Variants in BTBD16 observed in about 807,000 individuals in gnomAD.
BTBD16 encodes BTB domain containing 16.
Under a neutral mutation model 67.4 loss-of-function variants are expected in BTBD16, and 66 were observed. That is an observed-to-expected ratio of 0.98 (90% CI 0.80 to 1.20). The LOEUF is 1.20. BTBD16 is among the 50% of genes most tolerant of loss of function. The probability of loss-of-function intolerance (pLI) is 0.00; values close to 1 mark genes in which losing one functional copy is unlikely to be tolerated. For missense variants in BTBD16, 634 were observed against 616.0 expected (o/e 1.03, Z -0.31); for synonymous variants, 242 against 236.4 (o/e 1.02, Z -0.22).
At chr10:122,335,031 A>T (rs756670115) in intron 14 of BTBD16, 52 bp downstream of exon 14, 1 of 858,252 alleles carries the variant, frequency 1.2e-6, no homozygotes, top group South Asian at 1.6e-5. Flanking sequence ...TTTTAGAGTT[A>T]GAGTCAATTC....
At chr10:122,323,894 G>A (rs2096439765) in intron 10 of BTBD16, among the ~76,000 whole-genome samples, 1 of 152,124 alleles carries the variant, frequency 6.6e-6, no homozygotes, top group African/African-American at 2.4e-5. Context: ...TAGCTCTTAG[G>A]ATCAAGGGCA....
At chr10:122,292,268 G>A (rs1265493882) in intron 7 of BTBD16, among the ~76,000 whole-genome samples, 3 of 152,262 alleles carry the variant, frequency 2.0e-5, no homozygotes, top group Non-Finnish European at 2.9e-5. Flanking sequence ...ATTAGGGGAT[G>A]TCAGCACATA....
chr10:122,310,522 G>A (rs1270064271), intron 10 of BTBD16, among the ~76,000 whole-genome samples: 2 of 152,128 alleles, frequency 1.3e-5, no homozygotes, highest in Non-Finnish European at 2.9e-5. Context: ...CGTCACCAGG[G>A]GAGTTGAGCT....
chr10:122,316,542 G>C (rs935840621), intron 10 of BTBD16, among the ~76,000 whole-genome samples: 1 of 152,294 alleles, frequency 6.6e-6, no homozygotes, highest in East Asian at 1.9e-4. Flanking sequence ...ATATGGTACA[G>C]TGTATCCCTC....
intron 12 of BTBD16, among the ~76,000 whole-genome samples, chr10:122,331,767 G>A (rs2096455514): frequency 6.6e-6 from 1 of 152,214 alleles, no homozygotes; most frequent in Non-Finnish European, 1.5e-5. Flanking sequence ...GAGATGAAGA[G>A]GGGCAGTGTG....
In BTBD16 at chr10:122,334,919, A is replaced by G; in HGVS notation, c.1203A>G (p.Gly401=). Residue 401 remains glycine, a synonymous_variant, in exon 14 of 16, where the codon GGA becomes GGG. Transcript: ENST00000260723. ...TTYSKTIALY[G]FFFKIKGLKH... is the part of the protein sequence containing the mutation. ...ATTCGAAAACGATTGCTCTATATGG[A>G]TTCTTCTTTAAGATAAAGGGACTCA... 4 of 1,576,908 alleles carry G rather than the reference A, an allele frequency of 2.5e-6. No individual in the cohort carries two copies. The highest frequency in any genetic ancestry group is 3.5e-6 in the Non-Finnish European group (4 of 1,148,556).
chr10:122,300,853 G>T (rs1255636930), intron 9 of BTBD16, among the ~76,000 whole-genome samples: 1 of 152,164 alleles, frequency 6.6e-6, no homozygotes, highest in East Asian at 1.9e-4. Flanking sequence ...GAAAATGAGG[G>T]TTTACTCATG....
intron 13 of BTBD16, among the ~76,000 whole-genome samples, chr10:122,333,539 A>G (rs1332548662): frequency 2.0e-5 from 3 of 152,126 alleles, no homozygotes; most frequent in Non-Finnish European, 4.4e-5. Context: ...TGATTACCTG[A>G]TCTCAAACCT....
chr10:122,288,988 T>C (rs1166222993), intron 5 of BTBD16, among the ~76,000 whole-genome samples: 2 of 152,180 alleles, frequency 1.3e-5, no homozygotes, highest in African/African-American at 2.4e-5. Flanking sequence ...TGCCACTCTG[T>C]AGCTCACATT....
chr10:122,309,637 C>T (rs1218600319), intron 10 of BTBD16, among the ~76,000 whole-genome samples: 1 of 151,848 alleles, frequency 6.6e-6, no homozygotes, highest in Non-Finnish European at 1.5e-5. Flanking sequence ...GCCACTGCGC[C>T]CAGCCTAAAA....
At chr10:122,314,280 G>GGA (rs1397918782) in intron 10 of BTBD16, among the ~76,000 whole-genome samples, 1 of 152,100 alleles carries the variant, frequency 6.6e-6, no homozygotes, top group Admixed American at 6.5e-5. Flanking sequence ...AGCACTTTGG[G>GGA]GAGGCCTGAG....
chr10:122,334,742 G>A, intron 13 of BTBD16, 139 bp from the exon 14 acceptor site: 1 of 475,612 alleles, frequency 2.1e-6, no homozygotes, highest in Non-Finnish European at 3.7e-6. Context: ...GGCTGGTCTT[G>A]AACTCCTGAC....
intron 3 of BTBD16, among the ~76,000 whole-genome samples, chr10:122,281,503 G>C (rs958696513): frequency 6.6e-6 from 1 of 152,072 alleles, no homozygotes; most frequent in Non-Finnish European, 1.5e-5. Context: ...GGGCTAAAGC[G>C]GTCCTCCTCC....
intron 10 of BTBD16, among the ~76,000 whole-genome samples, chr10:122,321,800 T>A (rs935741307): frequency 3.9e-5 from 6 of 152,196 alleles, no homozygotes; most frequent in African/African-American, 1.4e-4. Flanking sequence ...TGTTGATAGT[T>A]TCTTTTGCTG....
At chr10:122,316,458 T>C (rs1446192478) in intron 10 of BTBD16, among the ~76,000 whole-genome samples, 1 of 152,150 alleles carries the variant, frequency 6.6e-6, no homozygotes, top group Non-Finnish European at 1.5e-5. Flanking sequence ...TGTTAGGCTG[T>C]TTCATCCTCG....
intron 7 of BTBD16, among the ~76,000 whole-genome samples, chr10:122,295,682 G>A (rs1481432652): frequency 6.6e-6 from 1 of 152,154 alleles, no homozygotes; most frequent in Non-Finnish European, 1.5e-5. Context: ...CCAAGATGCA[G>A]GATTGACAGG....
intron 11 of BTBD16, 41 bp downstream of exon 11, chr10:122,329,612 C>G (rs1370489618): frequency 6.4e-7 from 1 of 1,560,682 alleles, no homozygotes; most frequent in African/African-American, 1.3e-5. Flanking sequence ...GGGAAAGCTG[C>G]TGGGCACCTG....
intron 10 of BTBD16, among the ~76,000 whole-genome samples, chr10:122,328,039 C>T (rs535257092): frequency 1.5e-4 from 23 of 152,332 alleles, no homozygotes; most frequent in South Asian, 1.0e-3. Flanking sequence ...CTAGGGAGGA[C>T]GGCGTCAGCT....
At chr10:122,326,107 G>A (rs760212883) in intron 10 of BTBD16, among the ~76,000 whole-genome samples, 3 of 150,864 alleles carry the variant, frequency 2.0e-5, no homozygotes, top group Non-Finnish European at 4.4e-5. Flanking sequence ...TTTTTCAAAC[G>A]TTGTCTTAAA....
Sources: allele counts gnomAD v4.1 joint callset (sites outside exome capture counted in the v4.1 genomes callset), GRCh38; gene constraint gnomAD v4.1.1; transcripts MANE v1.5; gene names NCBI Gene and HGNC (gene_info 2026-07-23, HGNC 2026-07-21).